ANK1: variants seen among roughly 807,000 people sequenced by gnomAD.
ANK1 encodes the protein ankyrin 1, also known as ankyrin-1.
Under a neutral mutation model 210.4 loss-of-function variants are expected in ANK1, and 51 were observed. That is an observed-to-expected ratio of 0.24 (90% CI 0.19 to 0.31). ANK1 has a LOEUF of 0.31. Among genes scored for constraint, ANK1 ranks in the 10% least tolerant of loss-of-function variants. ANK1 has a pLI of 1.00. For missense variants in ANK1, 2,051 were observed against 2,504.4 expected (o/e 0.82, Z 3.86); for synonymous variants, 967 against 1,025.9 (o/e 0.94, Z 1.10).
At chr8:41,843,569 T>C (rs1038339571) in intron 1 of ANK1, among the ~76,000 whole-genome samples, 2 of 152,206 alleles carry the variant, frequency 1.3e-5, no homozygotes, top group African/African-American at 4.8e-5. Flanking sequence ...AGAAGATTCA[T>C]TCCGCTGCTG....
chr8:41,715,910 A>ATC, intron 13 of ANK1, 61 bp from the exon 14 acceptor site: 1 of 1,601,986 alleles, frequency 6.2e-7, no homozygotes. Context: ...CCAACTTTTC[A>ATC]TCTTACAGAG....
intron 1 of ANK1, among the ~76,000 whole-genome samples, chr8:41,880,945 T>A (rs1454085362): frequency 6.6e-6 from 1 of 152,226 alleles, no homozygotes; most frequent in East Asian, 1.9e-4. Context: ...AAGAACAGCA[T>A]CCCTCTTGTC....
intron 23 of ANK1, among the ~76,000 whole-genome samples, chr8:41,698,801 A>T (rs76309157): frequency 0.036 from 5,382 of 148,414 alleles, 166 homozygotes; most frequent in African/African-American, 0.09. Flanking sequence ...TTCCTCAACA[A>T]TTTTTTTTTT....
chr8:41,690,529 T>G lies in ANK1; in HGVS notation c.3929A>C (p.Gln1310Pro). The part of the protein sequence containing the change: ...NLVPVKKAAQ[Q>P]RSFHFQSFRE... ...AAATGACTGGAAGTGGAAGCTCCGC[T>G]GCTGGGCAGCTTTCTTCACAGGCAC... Residue 1310 changes from glutamine to proline, a missense_variant, in exon 32 of 43, where the codon CAG (glutamine) becomes CCG (proline). Physicochemically the swap from Gln to Pro is moderately conservative, Grantham distance 76. This residue lies in a region of ANK1 where 1,413 missense variants were observed against 1,707.4 expected (regional missense o/e 0.83). Transcript: ENST00000289734. 1 of 1,614,176 alleles carries G rather than the reference T, an allele frequency of 6.2e-7. No homozygotes were observed. Among genetic ancestry groups the G allele is most frequent in the Admixed American group, 1.7e-5 (1 of 60,036 alleles).
At chr8:41,841,113 C>T (rs943941544) in intron 1 of ANK1, among the ~76,000 whole-genome samples, 5 of 152,160 alleles carry the variant, frequency 3.3e-5, no homozygotes, top group Admixed American at 6.5e-5. Flanking sequence ...ACATTCACTG[C>T]GGCAGTATTC....
intron 1 of ANK1, among the ~76,000 whole-genome samples, chr8:41,814,595 A>G (rs531451647): frequency 4.6e-5 from 7 of 152,314 alleles, no homozygotes; most frequent in African/African-American, 1.7e-4. Flanking sequence ...AATTAAAGTA[A>G]AACAATAAAT....
At chr8:41,742,750 C>T (rs1172475542) in intron 2 of ANK1, among the ~76,000 whole-genome samples, 3 of 152,146 alleles carry the variant, frequency 2.0e-5, no homozygotes, top group Non-Finnish European at 4.4e-5. Context: ...GGCCCGATAG[C>T]AGTGGCAGAG....
At chr8:41,740,162 A>ATTT in intron 2 of ANK1, among the ~76,000 whole-genome samples, 1 of 137,450 alleles carries the variant, frequency 7.3e-6, no homozygotes, top group Admixed American at 7.2e-5. Context: ...TTTGTTTTTG[A>ATTT]TTTTTTTTTT....
At chr8:41,768,804 A>C (rs1842417398) in intron 1 of ANK1, among the ~76,000 whole-genome samples, 1 of 122,814 alleles carries the variant, frequency 8.1e-6, no homozygotes, top group African/African-American at 2.6e-5. Flanking sequence ...TCTCCACAAA[A>C]AAAAAAAAAA....
intron 4 of ANK1, 42 bp downstream of exon 4, chr8:41,727,866 T>C (rs2304872): frequency 1.2e-6 from 2 of 1,600,380 alleles, no homozygotes; most frequent in East Asian, 4.5e-5. Flanking sequence ...GAACCACCTG[T>C]GGAAAGGCAA....
At chr8:41,701,513 T>G (rs1822799921) in intron 22 of ANK1, 37 bp downstream of exon 22, 1 of 1,607,542 alleles carries the variant, frequency 6.2e-7, no homozygotes. Context: ...GGAGCCCCTC[T>G]GTCCCCACCA....
intron 24 of ANK1, chr8:41,697,759 C>A (rs955817033): frequency 2.3e-5 from 12 of 513,070 alleles, no homozygotes; most frequent in Middle Eastern, 5.5e-4. Flanking sequence ...GTGGGCTGGT[C>A]AAGGACCCAC....
chr8:41,818,610 CCTTTCTTTCTCTCTCTCTTTTTCTTTCTT>C, intron 1 of ANK1, among the ~76,000 whole-genome samples: 1 of 150,678 alleles, frequency 6.6e-6, no homozygotes, highest in South Asian at 2.1e-4. Flanking sequence ...CTTCTCTTTC[CCTTTCTTTCTCTCTCTCTTTTTCTTTCTT>C]CTTTCTTTCT....
chr8:41,854,248 C>T (rs570576442), intron 1 of ANK1, among the ~76,000 whole-genome samples: 2 of 152,208 alleles, frequency 1.3e-5, no homozygotes, highest in South Asian at 4.2e-4. Flanking sequence ...TCCCATGAAA[C>T]GAGGAAATGG....
intron 7 of ANK1, 67 bp from the exon 8 acceptor site, chr8:41,723,700 G>T: frequency 2.1e-6 from 3 of 1,432,182 alleles, no homozygotes; most frequent in Non-Finnish European, 2.9e-6. Flanking sequence ...CTGTGCACCC[G>T]CTCCCCTTGT....
intron 1 of ANK1, among the ~76,000 whole-genome samples, chr8:41,849,899 G>A (rs542768497): frequency 2.2e-4 from 33 of 151,976 alleles, no homozygotes; most frequent in Admixed American, 1.0e-3. Context: ...GAGCACCTGC[G>A]ATTGGCCAGG....
chr8:41,785,680 T>C (rs1336487894), intron 1 of ANK1, among the ~76,000 whole-genome samples: 15 of 152,212 alleles, frequency 9.9e-5, no homozygotes. Context: ...TGCGCATCCC[T>C]GAGGGTCTCC....
At chr8:41,659,215 A>T (rs748497822) in intron 42 of ANK1, among the ~76,000 whole-genome samples, 1 of 152,234 alleles carries the variant, frequency 6.6e-6, no homozygotes, top group Admixed American at 6.5e-5. Context: ...TGCACTTCGC[A>T]CCAGACAGCA....
chr8:41,684,469 G>T, intron 37 of ANK1, 75 bp downstream of exon 37: 1 of 1,591,972 alleles, frequency 6.3e-7, no homozygotes, highest in South Asian at 1.1e-5. Flanking sequence ...ACGTATTGTG[G>T]GAAGGGGTTA....
Sources: gnomAD v4.1 joint callset for allele counts (sites outside exome capture counted in the v4.1 genomes callset) on GRCh38, gnomAD v4.1.1 for gene constraint, gnomAD v4.1.1 regional missense constraint, MANE v1.5 for transcripts, NCBI Gene and HGNC (gene_info 2026-07-23, HGNC 2026-07-21) for gene names.